Variants in KDM2B observed in about 807,000 individuals in gnomAD.
The protein encoded by KDM2B is lysine demethylase 2B, also known as lysine-specific demethylase 2B.
A neutral mutation model predicts 150.0 loss-of-function variants in KDM2B; 26 were observed. The ratio of observed to expected loss-of-function variants is 0.17; its 90% CI spans 0.13 to 0.24. The LOEUF is 0.24. Ranked by LOEUF, KDM2B falls within the 10% of genes least tolerant of loss-of-function variation. The pLI is 1.00. For synonymous variants in KDM2B, 734 were observed against 729.5 expected, an observed-to-expected ratio of 1.01 and a Z score of -0.10; for missense variants, 1,265 against 1,816.9, an observed-to-expected ratio of 0.70 and a Z score of 5.52.
chr12:121,579,473 G>A (rs1555317497), intron 1 of KDM2B: 13 of 677,010 alleles, frequency 1.9e-5, no homozygotes, highest in South Asian at 7.8e-5. Context: ...AGCTGAAATG[G>A]AAGGGCTGAG....
chr12:121,412,071 A>ATTT, the KDM2B span, among the ~76,000 whole-genome samples: 1 of 151,536 alleles, frequency 6.6e-6, no homozygotes, highest in African/African-American at 2.4e-5. Context: ...ATTATTATTA[A>ATTT]TTTTTTTTGA....
rs544341734 is a variant in KDM2B, at chr12:121,569,847, T to TTTCC, written c.397+4699_397+4700insGGAA. On this transcript the variant is annotated intron_variant, in intron 4 of 22. Coordinates refer to ENST00000377071, the MANE Select transcript of KDM2B (RefSeq NM_032590.5). ...TTTCTTTTCTTTCTTTCTTTCTTTC[T>TTTCC]TTTTTTTTTTGAGACAGGATCTCGC... Among the ~76,000 whole-genome samples the TTTCC allele has an allele frequency of 1.3e-3, 191 of 143,208 alleles. 3 individuals are homozygous for TTTCC. The East Asian group carries it at 0.029, about 22-fold the overall frequency. 94.0% of individuals were successfully genotyped at this position (143,208 alleles called of 152,430 possible).
chr12:121,577,584 T>C (rs1447612632), intron 2 of KDM2B, among the ~76,000 whole-genome samples: 1 of 151,994 alleles, frequency 6.6e-6, no homozygotes, highest in Non-Finnish European at 1.5e-5. Context: ...GGGAGTCTCT[T>C]CTCAGAGCTA....
At chr12:121,507,852 A>C (rs1885226821) in intron 11 of KDM2B, among the ~76,000 whole-genome samples, 1 of 152,084 alleles carries the variant, frequency 6.6e-6, no homozygotes, top group Admixed American at 6.6e-5. Context: ...CTCTACAAAA[A>C]AATTAAAAAT....
the KDM2B span, chr12:121,420,072 A>G: frequency 1.8e-6 from 1 of 553,354 alleles, no homozygotes; most frequent in Non-Finnish European, 3.3e-6. Flanking sequence ...TAGGTTCTTC[A>G]TGCAATTTTG....
Position 121,429,883 on chromosome 12 carries a change from T to C in KDM2B, c.*405A>G. 1.7e-6 allele frequency: 1 copy of C among 588,042 alleles called. No individual in the cohort carries two copies. The allele number at this position is 588,042 out of a possible 1,614,324, so 36.4% of individuals were successfully genotyped here. On this transcript the variant is annotated 3_prime_UTR_variant, in exon 23 of 23. Transcript: ENST00000377071. Reference sequence around the variant, plus strand: ...AAAAAAGTGTCAAGACGGCAGCAGATGTGGTGTGTGGTCCACTTTATGTCA... The same window carrying C: ...AAAAAAGTGTCAAGACGGCAGCAGACGTGGTGTGTGGTCCACTTTATGTCA...
chr12:121,421,371 T>TACAAAA, the KDM2B span, among the ~76,000 whole-genome samples: 450 of 46,364 alleles, frequency 9.7e-3, 40 homozygotes, highest in African/African-American at 0.029. Context: ...ATCCCATCTC[T>TACAAAA]AAAAAAAAAA....
intron 12 of KDM2B, among the ~76,000 whole-genome samples, chr12:121,466,992 T>C (rs2139462616): frequency 6.8e-6 from 1 of 148,136 alleles, no homozygotes; most frequent in East Asian, 2.0e-4. Context: ...GCCGCGCTCC[T>C]CTACGCCCCG....
chr12:121,525,492 C>A (rs1368196075), intron 8 of KDM2B, among the ~76,000 whole-genome samples: 1 of 152,212 alleles, frequency 6.6e-6, no homozygotes, highest in African/African-American at 2.4e-5. Context: ...GATCCGCCCA[C>A]CTCAGCCTCC....
chr12:121,505,619 A>G (rs1182000777), intron 11 of KDM2B, among the ~76,000 whole-genome samples: 1 of 152,152 alleles, frequency 6.6e-6, no homozygotes, highest in Middle Eastern at 3.2e-3. Context: ...CCATCTAGGG[A>G]CTGAGTTGAA....
intron 6 of KDM2B, among the ~76,000 whole-genome samples, chr12:121,543,568 G>A (rs1888772462): frequency 6.6e-6 from 1 of 152,090 alleles, no homozygotes; most frequent in Non-Finnish European, 1.5e-5. Context: ...GCTCATGCCT[G>A]TAATCCCAGC....
rs1428843418 is a variant in KDM2B, at chr12:121,529,955, G to A, written c.931+2851C>T. ...AAAAAAAAAAAAAAGAAGAGCAGGC[G>A]CAGTGGCTCACGCCTGTAATCCCAG... is the stretch of plus-strand genomic sequence containing the variant. On this transcript the variant is annotated intron_variant, in intron 8 of 22. Transcript: ENST00000377071. Among the ~76,000 whole-genome samples, 8 of 148,914 alleles carry A rather than the reference G, an allele frequency of 5.4e-5. No homozygotes were observed. In the East Asian group the frequency reaches 6.0e-4, roughly 11 times the overall value.
intron 17 of KDM2B, chr12:121,443,375 A>G: frequency 1.7e-6 from 1 of 575,506 alleles, no homozygotes; most frequent in Non-Finnish European, 3.1e-6. Flanking sequence ...AGGAATGGCT[A>G]GAGCTGGGAG....
At chr12:121,577,950 G>A (rs531598591) in intron 2 of KDM2B, among the ~76,000 whole-genome samples, 10 of 152,258 alleles carry the variant, frequency 6.6e-5, no homozygotes, top group African/African-American at 2.4e-4. Context: ...GGAGAGCCAG[G>A]GAGAAACTCA....
At position 121,545,572 on chromosome 12, in the gene KDM2B, G is replaced by A. The variant is rs563939755; in HGVS notation, c.683+3305C>T. 3.2e-3 allele frequency among the ~76,000 whole-genome samples: 487 copies of A among 152,158 alleles called. 4 individuals are homozygous for A. The highest frequency in any genetic ancestry group is 0.012 in the African/African-American group (482 of 41,512). On this transcript the variant is annotated intron_variant, in intron 6 of 22. Transcript: ENST00000377071. The stretch of plus-strand genomic sequence containing the variant: ...GAAACTGAAATCTGTGTCACCCAGC[G>A]CAGTCTCTTTTGCATTCCTAAATCT...
intron 6 of KDM2B, among the ~76,000 whole-genome samples, chr12:121,543,849 T>A (rs1387065269): frequency 6.6e-6 from 1 of 151,316 alleles, no homozygotes; most frequent in African/African-American, 2.4e-5. Context: ...CCAGGAGTAG[T>A]GGCACACCCC....
intron 9 of KDM2B, chr12:121,516,479 T>TCGCCTTCCACC (rs1489892517): frequency 6.6e-6 from 9 of 1,355,178 alleles, no homozygotes; most frequent in Admixed American, 2.2e-5. Context: ...AAACAGGTTG[T>TCGCCTTCCACC]CGCCTTCCAC....
At chr12:121,504,853 A>G (rs1884903124) in intron 11 of KDM2B, among the ~76,000 whole-genome samples, 3 of 152,124 alleles carry the variant, frequency 2.0e-5, no homozygotes, top group Admixed American at 1.3e-4. Flanking sequence ...GCGGTGGCTC[A>G]CGCCTGTAAT....
At chr12:121,420,659 G>A in the KDM2B span, 15 of 1,614,018 alleles carry the variant, frequency 9.3e-6, no homozygotes, top group African/African-American at 1.1e-4. Flanking sequence ...ATGAGCGTGC[G>A]CCAGCTGAAG....
Sources: allele counts gnomAD v4.1 joint callset (sites outside exome capture counted in the v4.1 genomes callset), GRCh38; gene constraint gnomAD v4.1.1; transcripts MANE v1.5; gene names NCBI Gene and HGNC (gene_info 2026-07-23, HGNC 2026-07-21).